Variants in PAX2 observed in about 807,000 individuals in gnomAD.
The protein encoded by PAX2 is paired box protein Pax-2.
In PAX2, 9 loss-of-function variants were observed where a neutral mutation model predicts 41.7. The observed-to-expected ratio is 0.22, with a 90% CI of 0.13 to 0.38. The LOEUF is 0.38. Ranked by LOEUF, PAX2 falls within the 10% of genes least tolerant of loss-of-function variation. PAX2 has a pLI of 1.00. For missense variants in PAX2, 418 were observed against 531.6 expected, an observed-to-expected ratio of 0.79 and a Z score of 2.10; for synonymous variants, 221 against 212.7, an observed-to-expected ratio of 1.04 and a Z score of -0.34.
intron 7 of PAX2, among the ~76,000 whole-genome samples, chr10:100,810,856 C>T (rs996842072): frequency 4.6e-5 from 7 of 152,126 alleles, no homozygotes; most frequent in Non-Finnish European, 7.4e-5. Context: ...AGCCCCCACC[C>T]GCCTCCCCCC....
chr10:100,749,676 C>G (rs1459903591), intron 1 of PAX2, 70 bp from the exon 2 acceptor site: 2 of 1,559,210 alleles, frequency 1.3e-6, no homozygotes, highest in Non-Finnish European at 1.7e-6. Flanking sequence ...CGTCCCGGGC[C>G]GCGGACCCTG....
chr10:100,826,096 A>G lies in PAX2; in HGVS notation c.1022-913A>G, dbSNP rs1848551368. Among the ~76,000 whole-genome samples, 1 of 152,104 alleles carries G rather than the reference A, an allele frequency of 6.6e-6. No homozygotes were observed. Among genetic ancestry groups the G allele is most frequent in the African/African-American group, 2.4e-5 (1 of 41,402 alleles). On this transcript the variant is annotated intron_variant, in intron 8 of 9. Transcript: ENST00000355243. This position sits in a 1 kb window ranked among gnomAD's most constrained non-coding sequence, Gnocchi z 5.5. ...ACACTTGTTTCATTAGCGATGGGGA[A>G]GGAGATAGCTCAGTTCCTCTTGGTC...
At chr10:100,756,069 G>A (rs1845614848) in intron 3 of PAX2, among the ~76,000 whole-genome samples, 1 of 152,148 alleles carries the variant, frequency 6.6e-6, no homozygotes, top group Admixed American at 6.5e-5. Flanking sequence ...GGTGCACATG[G>A]GAGAGTGTGA....
chr10:100,748,388 G>A lies in PAX2; in HGVS notation c.44-1358G>A, dbSNP rs1433873514. On this transcript the variant is annotated intron_variant, in intron 1 of 9. Transcript: ENST00000355243. The surrounding 1 kb of genome is among the most constrained non-coding windows in gnomAD (Gnocchi z 5.0). ...GTCTCTCCCAGCAACGCGATCAGAG[G>A]TCTTTCCCCAGGGTTTCACCGAGCT... 2.1e-5 allele frequency: 21 copies of A among 980,780 alleles called. No homozygotes were observed. Among genetic ancestry groups the A allele is most frequent in the Non-Finnish European group, 2.2e-5 (18 of 829,648 alleles). The allele number at this position is 980,780 out of a possible 1,614,324, so 60.8% of individuals were successfully genotyped here. A position where few individuals can be genotyped will look rare whatever the true frequency, so the allele number is the denominator to read the frequency against.
At chr10:100,781,911 C>G (rs1476722468) in intron 5 of PAX2, among the ~76,000 whole-genome samples, 2 of 152,178 alleles carry the variant, frequency 1.3e-5, no homozygotes, top group Non-Finnish European at 2.9e-5. Flanking sequence ...CCCTCTCCCT[C>G]ACCTCCCTGA....
In PAX2 at chr10:100,765,544, T is replaced by TAAAAAC. The variant is rs1307474667; in HGVS notation, c.411-13954_411-13953insAAAAAC. On this transcript the variant is annotated intron_variant, in intron 3 of 9. Coordinates refer to ENST00000355243, the MANE Select transcript of PAX2 (RefSeq NM_000278.5). ...TTTTCAAATTAGAAAGTAAATGTTT[T>TAAAAAC]TAATGAGCAAAATTAGAATCCTGAA... 7.9e-5 allele frequency among the ~76,000 whole-genome samples: 12 copies of TAAAAAC among 152,362 alleles called. No individual in the cohort carries two copies. In the East Asian group the frequency reaches 2.1e-3, roughly 27 times the overall value.
chr10:100,826,399 G>C lies in PAX2; in HGVS notation c.1022-610G>C, dbSNP rs999668017. ...ACGGCTCCCAACCCACGGGCCCTCC[G>C]CTCACCGCTAGCGGACCAGCGGGCA... On this transcript the variant is annotated intron_variant, in intron 8 of 9. Transcript: ENST00000355243. The surrounding 1 kb of genome is among the most constrained non-coding windows in gnomAD (Gnocchi z 5.5). 2.0e-5 allele frequency among the ~76,000 whole-genome samples: 3 copies of C among 152,166 alleles called. No individual in the cohort carries two copies. The highest frequency in any genetic ancestry group is 2.0e-4 in the Admixed American group (3 of 15,270).
At chr10:100,755,085 G>T (rs1845582061) in intron 3 of PAX2, among the ~76,000 whole-genome samples, 1 of 152,220 alleles carries the variant, frequency 6.6e-6, no homozygotes, top group African/African-American at 2.4e-5. Context: ...CTTTCCCAGA[G>T]ACAGTCCCCT....
chr10:100,764,769 T>C (rs1276290462), intron 3 of PAX2, among the ~76,000 whole-genome samples: 1 of 152,192 alleles, frequency 6.6e-6, no homozygotes, highest in Non-Finnish European at 1.5e-5. Flanking sequence ...GTTGGCATTT[T>C]CTAGGCTTCA....
At chr10:100,808,664 G>C (rs1215135190) in intron 6 of PAX2, among the ~76,000 whole-genome samples, 1 of 152,036 alleles carries the variant, frequency 6.6e-6, no homozygotes, top group Non-Finnish European at 1.5e-5. Flanking sequence ...TTTAAAAAAG[G>C]GGCGCCCATA....
chr10:100,747,092 A>C (rs1450086469), intron 1 of PAX2: 1 of 152,280 alleles, frequency 6.6e-6, no homozygotes, highest in Non-Finnish European at 1.5e-5. Context: ...CTCCGAGAAG[A>C]AATCGAAGTC....
rs1204104941 is a variant in PAX2 at position 100,750,904 on chromosome 10, C to A, written c.410+13C>A. 1.2e-6 allele frequency: 2 copies of A among 1,610,450 alleles called. No homozygotes were observed. Among genetic ancestry groups the A allele is most frequent in the Non-Finnish European group, 8.5e-7 (1 of 1,177,012 alleles). On this transcript the variant is annotated intron_variant, in intron 3 of 9. Transcript: ENST00000355243. This position sits in a 1 kb window ranked among gnomAD's most constrained non-coding sequence, Gnocchi z 4.1. Reference sequence around the variant, plus strand: ...CTTCCATCAACAGGTGAGCAAGCCACCCGGGTTTTCAGGGCTGGACTCCAG... The same window carrying A: ...CTTCCATCAACAGGTGAGCAAGCCAACCGGGTTTTCAGGGCTGGACTCCAG...
chr10:100,816,554 C>T (rs1296819009), intron 7 of PAX2, among the ~76,000 whole-genome samples: 1 of 152,174 alleles, frequency 6.6e-6, no homozygotes, highest in East Asian at 1.9e-4. Context: ...TCTCAGTGGC[C>T]TCAAAGCCAC....
At chr10:100,754,924 T>C (rs754358434) in intron 3 of PAX2, among the ~76,000 whole-genome samples, 55 of 152,054 alleles carry the variant, frequency 3.6e-4, no homozygotes, top group Admixed American at 1.3e-4. Flanking sequence ...ACAGGGCAAG[T>C]TGGAGAGTTC....
At chr10:100,751,435 A>C (rs1293498822) in intron 3 of PAX2, among the ~76,000 whole-genome samples, 2 of 152,230 alleles carry the variant, frequency 1.3e-5, no homozygotes, top group Non-Finnish European at 2.9e-5. Context: ...ACAAATGCCA[A>C]CCACCAGCCA....
upstream of PAX2, among the ~76,000 whole-genome samples, chr10:100,741,575 C>T (rs900231799): frequency 1.3e-5 from 2 of 152,152 alleles, no homozygotes; most frequent in African/African-American, 2.4e-5. Flanking sequence ...TGGGATCTGA[C>T]AGCCGAGGGT....
rs1373020874 is a variant in PAX2, at chr10:100,746,295, C to A, written c.35C>A (p.Ala12Glu). The A allele has an allele frequency of 1.2e-5, 19 of 1,607,732 alleles. No homozygotes were observed. The highest frequency in any genetic ancestry group is 1.6e-5 in the Non-Finnish European group (19 of 1,174,378). The change falls in exon 1 of 10, where the codon GCG (alanine) becomes GAG (glutamate). Residue 12 changes from alanine (A) to glutamate (E), a missense_variant. By Grantham distance (107) the Ala-to-Glu change is moderately radical (BLOSUM62 -1). Transcript: ENST00000355243. The part of the protein sequence containing the change: ...DMHCKADPFS[A>E]MHPGHGGVNQ... The stretch of plus-strand genomic sequence containing the variant: ...CACTGCAAAGCAGACCCCTTCTCCG[C>A]GATGCACCGTGAGTACCGGCGCCCG...
At chr10:100,784,500 T>C (rs1846768882) in intron 5 of PAX2, among the ~76,000 whole-genome samples, 1 of 152,212 alleles carries the variant, frequency 6.6e-6, no homozygotes, top group South Asian at 2.1e-4. Flanking sequence ...AGGAGTGTCA[T>C]ACCCCAAGGG....
intron 5 of PAX2, among the ~76,000 whole-genome samples, chr10:100,804,271 T>TACACACAC (rs10639967): frequency 0.076 from 11,282 of 147,788 alleles, 1,425 homozygotes; most frequent in African/African-American, 0.27. Context: ...GTTCAGCCCC[T>TACACACAC]ACACACACAC....
Sources: gnomAD v4.1 joint callset for allele counts (sites outside exome capture counted in the v4.1 genomes callset) on GRCh38, gnomAD v4.1.1 for gene constraint, Gnocchi (gnomAD v3.1) non-coding constraint, MANE v1.5 for transcripts, NCBI Gene and HGNC (gene_info 2026-07-23, HGNC 2026-07-21) for gene names.